The following ZDHHC17 variants were observed in gnomAD, a reference collection of about 807,000 sequenced individuals.
The protein encoded by ZDHHC17 is palmitoyltransferase ZDHHC17.
In ZDHHC17, 40 loss-of-function variants were observed where a neutral mutation model predicts 90.3. That is an observed-to-expected ratio of 0.44 (90% CI 0.34 to 0.58). The LOEUF (loss-of-function observed/expected upper bound fraction) is 0.58. Ranked by LOEUF, ZDHHC17 falls within the 20% of genes least tolerant of loss-of-function variation. The probability of loss-of-function intolerance (pLI) is 0.01; values close to 1 mark genes in which losing one functional copy is unlikely to be tolerated. For missense variants in ZDHHC17, 614 were observed against 780.8 expected, an observed-to-expected ratio of 0.79 and a Z score of 2.55; for synonymous variants, 235 against 252.4, an observed-to-expected ratio of 0.93 and a Z score of 0.65.
intron 10 of ZDHHC17, among the ~76,000 whole-genome samples, chr12:76,833,272 C>G (rs192780665): frequency 1.7e-4 from 26 of 152,232 alleles, no homozygotes; most frequent in African/African-American, 5.8e-4. Flanking sequence ...CTATACAAAT[C>G]TTAATACCAT....
intron 1 of ZDHHC17, among the ~76,000 whole-genome samples, chr12:76,780,297 A>T (rs1339027408): frequency 6.6e-6 from 1 of 152,010 alleles, no homozygotes; most frequent in Non-Finnish European, 1.5e-5. Flanking sequence ...ATATTCTTTG[A>T]CTTCTTTTAT....
At chr12:76,812,945 C>G (rs1446449934) in intron 5 of ZDHHC17, among the ~76,000 whole-genome samples, 1 of 152,008 alleles carries the variant, frequency 6.6e-6, no homozygotes, top group African/African-American at 2.4e-5. Context: ...TTAATTCTTC[C>G]TAATAGAGAA....
intron 1 of ZDHHC17, among the ~76,000 whole-genome samples, chr12:76,782,373 G>A (rs1451245937): frequency 2.0e-5 from 3 of 152,234 alleles, no homozygotes; most frequent in Non-Finnish European, 1.5e-5. Flanking sequence ...GGAAGGCCCA[G>A]AGACTGAGGC....
intron 7 of ZDHHC17, among the ~76,000 whole-genome samples, chr12:76,817,814 T>G (rs1228125642): frequency 6.6e-6 from 1 of 152,116 alleles, no homozygotes; most frequent in Non-Finnish European, 1.5e-5. Context: ...TTAAAATTAT[T>G]TAAATGATTT....
intron 1 of ZDHHC17, among the ~76,000 whole-genome samples, chr12:76,796,699 C>T (rs1221971725): frequency 6.6e-6 from 1 of 152,062 alleles, no homozygotes; most frequent in Non-Finnish European, 1.5e-5. Context: ...TCCATAGGTT[C>T]CTTCCTTTAG....
chr12:76,764,212 G>A lies in ZDHHC17; in HGVS notation c.-25G>A, dbSNP rs1251371339. Reference sequence around the variant, plus strand: ...CGCCCTCCGCCTCGCCCGAGCCCCGGGAGGGTGAAACGCTTTCTCCCAGCA... The same window carrying A: ...CGCCCTCCGCCTCGCCCGAGCCCCGAGAGGGTGAAACGCTTTCTCCCAGCA... On this transcript the variant is annotated 5_prime_UTR_variant, in exon 1 of 17. Coordinates refer to ENST00000426126, the MANE Select transcript of ZDHHC17 (RefSeq NM_015336.4). 6.5e-7 allele frequency: 1 copy of A among 1,549,904 alleles called. No homozygotes were observed. Among genetic ancestry groups the A allele is most frequent in the Admixed American group, 1.9e-5 (1 of 52,284 alleles).
intron 11 of ZDHHC17, among the ~76,000 whole-genome samples, chr12:76,842,712 C>A (rs1461060140): frequency 6.6e-6 from 1 of 152,072 alleles, no homozygotes; most frequent in Non-Finnish European, 1.5e-5. Flanking sequence ...ATGGTCTAAT[C>A]CCCTTTTTTC....
chr12:76,768,528 T>C (rs1952457114), intron 1 of ZDHHC17, among the ~76,000 whole-genome samples: 1 of 152,194 alleles, frequency 6.6e-6, no homozygotes, highest in Admixed American at 6.5e-5. Flanking sequence ...AGTTGGGAAG[T>C]TGTAGGCACG....
At chr12:76,783,441 C>G (rs1952649926) in intron 1 of ZDHHC17, among the ~76,000 whole-genome samples, 1 of 152,134 alleles carries the variant, frequency 6.6e-6, no homozygotes, top group Non-Finnish European at 1.5e-5. Flanking sequence ...ATGAAACCAT[C>G]AGATCTCATA....
At chr12:76,808,035 A>G (rs1952975332) in intron 3 of ZDHHC17, among the ~76,000 whole-genome samples, 2 of 152,214 alleles carry the variant, frequency 1.3e-5, no homozygotes, top group Non-Finnish European at 1.5e-5. Context: ...GATAGAGTGG[A>G]ATTGGGCCCT....
chr12:76,808,615 G>A (rs1200020838), intron 3 of ZDHHC17, among the ~76,000 whole-genome samples: 1 of 152,172 alleles, frequency 6.6e-6, no homozygotes, highest in Non-Finnish European at 1.5e-5. Flanking sequence ...TTTATGTTAT[G>A]TGTATATTAT....
intron 10 of ZDHHC17, among the ~76,000 whole-genome samples, chr12:76,835,567 G>C (rs1953353614): frequency 6.6e-6 from 1 of 150,680 alleles, no homozygotes; most frequent in South Asian, 2.1e-4. Flanking sequence ...TTTGTGTCTG[G>C]GTTATAGAAA....
At chr12:76,777,731 T>C (rs941376424) in intron 1 of ZDHHC17, among the ~76,000 whole-genome samples, 7 of 152,194 alleles carry the variant, frequency 4.6e-5, no homozygotes, top group African/African-American at 1.4e-4. Flanking sequence ...ATTTACTTTC[T>C]AATTGGTCTT....
At chr12:76,784,521 G>A (rs1952663983) in intron 1 of ZDHHC17, among the ~76,000 whole-genome samples, 1 of 152,130 alleles carries the variant, frequency 6.6e-6, no homozygotes, top group Admixed American at 6.5e-5. Context: ...GAAGACCATC[G>A]ACATCAATTT....
At chr12:76,828,059 G>C (rs1953250749) in intron 9 of ZDHHC17, among the ~76,000 whole-genome samples, 1 of 152,132 alleles carries the variant, frequency 6.6e-6, no homozygotes, top group South Asian at 2.1e-4. Flanking sequence ...ACACATCTTT[G>C]GTGAATAGTA....
At chr12:76,809,157 C>T (rs564582525) in intron 4 of ZDHHC17, 37 bp downstream of exon 4, 4 of 1,429,038 alleles carry the variant, frequency 2.8e-6, no homozygotes, top group African/African-American at 1.5e-5. Context: ...CCTTTGGTTC[C>T]TTTATTAGTA....
intron 10 of ZDHHC17, among the ~76,000 whole-genome samples, chr12:76,841,379 C>G (rs1010824006): frequency 6.6e-6 from 1 of 152,130 alleles, no homozygotes; most frequent in African/African-American, 2.4e-5. Flanking sequence ...ATGTATTGCT[C>G]TAGCGACATT....
At chr12:76,812,031 G>C (rs972750490) in intron 5 of ZDHHC17, among the ~76,000 whole-genome samples, 1 of 152,092 alleles carries the variant, frequency 6.6e-6, no homozygotes, top group Non-Finnish European at 1.5e-5. Flanking sequence ...TCCACATTTA[G>C]ATTTTGGTCC....
intron 1 of ZDHHC17, among the ~76,000 whole-genome samples, chr12:76,769,650 A>T (rs1236130759): frequency 1.3e-5 from 2 of 152,106 alleles, no homozygotes; most frequent in African/African-American, 4.8e-5. Flanking sequence ...TAGATTTTAA[A>T]ATAATGTATA....
Sources: allele counts gnomAD v4.1 joint callset (sites outside exome capture counted in the v4.1 genomes callset), GRCh38; gene constraint gnomAD v4.1.1; transcripts MANE v1.5; gene names NCBI Gene and HGNC (gene_info 2026-07-23, HGNC 2026-07-21).